Variants in CLTCL1 observed in about 807,000 individuals in gnomAD.
The protein encoded by CLTCL1 is clathrin heavy chain 2.
CLTCL1 carries 159 observed loss-of-function variants against 190.0 expected under a neutral mutation model. The observed-to-expected ratio is 0.84, with a 90% CI of 0.74 to 0.95. The LOEUF is 0.95. CLTCL1 is among the 40% of genes least tolerant of loss of function. The pLI is 0.00. For missense variants in CLTCL1, 1,878 were observed against 2,033.4 expected (o/e 0.92, Z 1.47); for synonymous variants, 752 against 769.6 (o/e 0.98, Z 0.38).
At chr22:19,250,016 G>A (rs1209649355) in intron 3 of CLTCL1, 6 of 292,052 alleles carry the variant, frequency 2.1e-5, no homozygotes, top group South Asian at 1.5e-4. Context: ...AACTTTGGGA[G>A]GCCGAGGTGG....
chr22:19,286,522 CTACATAAT>C (rs2087912401), intron 1 of CLTCL1, among the ~76,000 whole-genome samples: 1 of 152,156 alleles, frequency 6.6e-6, no homozygotes, highest in South Asian at 2.1e-4. Flanking sequence ...AATGAGATAG[CTACATAAT>C]GGCAACATAA....
At chr22:19,200,051 G>C (rs544945728) in intron 23 of CLTCL1, among the ~76,000 whole-genome samples, 179 of 152,214 alleles carry the variant, frequency 1.2e-3, no homozygotes, top group Non-Finnish European at 2.0e-3. Flanking sequence ...GGGGGTGCTT[G>C]AGACCATGGA....
chr22:19,227,276 T>C (rs1228437178), intron 11 of CLTCL1, among the ~76,000 whole-genome samples: 3 of 145,052 alleles, frequency 2.1e-5, no homozygotes, highest in African/African-American at 7.7e-5. Context: ...AGGCATAAAA[T>C]CTTTTTTTTT....
chr22:19,201,089 T>C (rs1490996482), intron 23 of CLTCL1, among the ~76,000 whole-genome samples: 1 of 152,234 alleles, frequency 6.6e-6, no homozygotes, highest in African/African-American at 2.4e-5. Flanking sequence ...AAAATACTTA[T>C]AATACTGGTA....
intron 2 of CLTCL1, among the ~76,000 whole-genome samples, chr22:19,271,788 T>C (rs1385219471): frequency 6.6e-6 from 1 of 152,180 alleles, no homozygotes; most frequent in Non-Finnish European, 1.5e-5. Flanking sequence ...TGTTTTGTTT[T>C]GTTTTGTTTT....
intron 4 of CLTCL1, 37 bp downstream of exon 4, chr22:19,242,738 A>T: frequency 6.2e-7 from 1 of 1,612,514 alleles, no homozygotes; most frequent in South Asian, 1.1e-5. Context: ...AGCTCATGAC[A>T]CTTTTCTCAG....
intron 11 of CLTCL1, 66 bp downstream of exon 11, chr22:19,229,772 A>T: frequency 6.7e-7 from 1 of 1,491,760 alleles, no homozygotes; most frequent in Non-Finnish European, 8.9e-7. Flanking sequence ...ACTGTGCTCA[A>T]GTCTGCAAAC....
At chr22:19,212,754 A>G (rs890504390) in intron 19 of CLTCL1, among the ~76,000 whole-genome samples, 1 of 152,220 alleles carries the variant, frequency 6.6e-6, no homozygotes, top group Non-Finnish European at 1.5e-5. Flanking sequence ...CCATGGAGAA[A>G]GAGTATTTTT....
At position 19,221,401 on chromosome 22, in the gene CLTCL1, C is replaced by G; in HGVS notation, c.2772G>C (p.Gly924=). 4 of 1,554,220 alleles carry G rather than the reference C, an allele frequency of 2.6e-6. No individual in the cohort carries two copies. The highest frequency in any genetic ancestry group is 3.5e-6 in the Non-Finnish European group (4 of 1,148,450). The change falls in exon 17 of 33, where the codon GGG becomes GGC. Residue 924 remains glycine (G), a synonymous_variant. Coordinates refer to ENST00000427926, the MANE Select transcript of CLTCL1 (RefSeq NM_007098.4). ...PHLACVAYER[G]QCDLELIKVC... ...CCTTGATGAGCTCAAGGTCACACTG[C>G]CCCCGCTCATAGGCAACACAGGCCA...
intron 19 of CLTCL1, among the ~76,000 whole-genome samples, chr22:19,214,703 T>TG (rs1416681978): frequency 6.7e-6 from 1 of 148,442 alleles, no homozygotes; most frequent in African/African-American, 2.5e-5. Context: ...TTTTTTGAGA[T>TG]GGAGTCTCGC....
intron 18 of CLTCL1, among the ~76,000 whole-genome samples, chr22:19,219,278 C>T (rs782577880): frequency 1.5e-4 from 22 of 151,532 alleles, no homozygotes; most frequent in Admixed American, 4.0e-4. Flanking sequence ...CAACCTCCAC[C>T]TCCTGGGTTC....
chr22:19,267,488 G>A (rs376033570), intron 2 of CLTCL1, among the ~76,000 whole-genome samples: 4 of 152,266 alleles, frequency 2.6e-5, no homozygotes, highest in East Asian at 1.9e-4. Context: ...AAAGGATCTC[G>A]TTTCAAAGAG....
chr22:19,210,255 A>G, intron 20 of CLTCL1, 71 bp downstream of exon 20: 1 of 1,478,986 alleles, frequency 6.8e-7, no homozygotes, highest in Non-Finnish European at 9.3e-7. Context: ...GGAGAGGACA[A>G]GGGCTTGCAG....
At chr22:19,201,117 C>T (rs1668959610) in intron 23 of CLTCL1, among the ~76,000 whole-genome samples, 1 of 152,214 alleles carries the variant, frequency 6.6e-6, no homozygotes, top group African/African-American at 2.4e-5. Context: ...GCTATTAAGG[C>T]TACCTCTGGG....
At chr22:19,247,413 T>C (rs116545899) in intron 3 of CLTCL1, among the ~76,000 whole-genome samples, 1,777 of 152,332 alleles carry the variant, frequency 0.012, 35 homozygotes, top group African/African-American at 0.039. Flanking sequence ...GATTTTTTTA[T>C]TTGTTGTTTT....
chr22:19,279,706 A>C (rs1454868874), intron 1 of CLTCL1, among the ~76,000 whole-genome samples: 1 of 152,194 alleles, frequency 6.6e-6, no homozygotes, highest in Non-Finnish European at 1.5e-5. Context: ...CCCCTACCCC[A>C]AGCCTTTTAT....
At chr22:19,206,196 G>C (rs5748040) in intron 22 of CLTCL1, among the ~76,000 whole-genome samples, 1 of 152,002 alleles carries the variant, frequency 6.6e-6, no homozygotes, top group Non-Finnish European at 1.5e-5. Context: ...AAAGTGCTGA[G>C]ATTACAGGCC....
chr22:19,201,782 C>A (rs2084895233), intron 22 of CLTCL1, among the ~76,000 whole-genome samples: 1 of 152,104 alleles, frequency 6.6e-6, no homozygotes, highest in Non-Finnish European at 1.5e-5. Context: ...TGGGCCTGGG[C>A]TGAGGAGGTG....
In CLTCL1 at chr22:19,225,447, G is replaced by T; in HGVS notation, c.2128+6C>A. ...GGTGGGGTCGGCGAGAGGCTGCATG[G>T]TTTACCTTTGTAACTCTTGAAGGAT... On this transcript the variant is annotated splice_donor_region_variant and intron_variant, in intron 13 of 32. Transcript: ENST00000427926. 6.4e-7 allele frequency: 1 copy of T among 1,573,010 alleles called. No individual in the cohort carries two copies. The highest frequency in any genetic ancestry group is 8.6e-7 in the Non-Finnish European group (1 of 1,157,758).
Sources: gnomAD v4.1 joint callset for allele counts (sites outside exome capture counted in the v4.1 genomes callset) on GRCh38, gnomAD v4.1.1 for gene constraint, MANE v1.5 for transcripts, NCBI Gene and HGNC (gene_info 2026-07-23, HGNC 2026-07-21) for gene names.